DNAH8: variants seen among roughly 807,000 people sequenced by gnomAD.
The protein encoded by DNAH8 is axonemal beta dynein heavy chain 8.
A neutral mutation model predicts 562.1 loss-of-function variants in DNAH8; 382 were observed. That is an observed-to-expected ratio of 0.68 (90% CI 0.63 to 0.74). DNAH8 has a LOEUF of 0.74. Among genes scored for constraint, DNAH8 ranks in the 30% least tolerant of loss-of-function variants. DNAH8 has a pLI of 0.00. For missense variants in DNAH8, 5,203 were observed against 5,620.4 expected (o/e 0.93, Z 2.37); for synonymous variants, 1,881 against 1,919.4 (o/e 0.98, Z 0.52).
intron 41 of DNAH8, among the ~76,000 whole-genome samples, chr6:38,853,780 C>T (rs1309258404): frequency 6.6e-6 from 1 of 152,046 alleles, no homozygotes; most frequent in Non-Finnish European, 1.5e-5. Context: ...CTTAAAGATG[C>T]TCAGAACACT....
Position 38,982,478 on chromosome 6 carries a change from C to A in DNAH8, c.12951+16C>A, listed in dbSNP as rs755396684. The A allele has an allele frequency of 3.3e-6, 4 of 1,223,076 alleles. No individual in the cohort carries two copies. The Admixed American group carries it at 5.1e-5, about 16-fold the overall frequency. The allele number at this position is 1,223,076 out of a possible 1,614,324, so 75.8% of individuals were successfully genotyped here. A position where few individuals can be genotyped will look rare whatever the true frequency, so the allele number is the denominator to read the frequency against. On this transcript the variant is annotated intron_variant, in intron 86 of 92. Transcript: ENST00000327475. Reference sequence around the variant, plus strand: ...TATTAAGAAAGTGAGTGAAATTATGCCTTTTTTCCTGTTTTTATTGCTCTT... The same window carrying A: ...TATTAAGAAAGTGAGTGAAATTATGACTTTTTTCCTGTTTTTATTGCTCTT...
intron 76 of DNAH8, among the ~76,000 whole-genome samples, chr6:38,935,120 A>G (rs1375592635): frequency 6.6e-6 from 1 of 152,212 alleles, no homozygotes; most frequent in Non-Finnish European, 1.5e-5. Flanking sequence ...CAAACCAGGT[A>G]CCTGGTGCTC....
chr6:38,882,957 A>G lies in DNAH8; in HGVS notation c.7906A>G (p.Thr2636Ala), dbSNP rs752099198. 14 of 1,605,738 alleles carry G rather than the reference A, an allele frequency of 8.7e-6. No homozygotes were observed. In the Admixed American group the frequency reaches 2.4e-4, roughly 28 times the overall value. The change falls in exon 54 of 93, where the codon ACT becomes GCT. Residue 2636 changes from threonine (T) to alanine (A), a missense_variant. Physicochemically the swap from Thr to Ala is moderately conservative, Grantham distance 58. Transcript: ENST00000327475. ...GAAACTTCAGCCTTATTATTATCCA[A>G]CTGACAGTATTCCGGAATATTCATC... ...NKKLQPYYYPTDSIPEYSSIL... is the reference protein window; with the variant it reads ...NKKLQPYYYPADSIPEYSSIL...
In DNAH8 at chr6:38,898,470, T is replaced by C. The variant is rs1033994119; in HGVS notation, c.9063+90T>C. The C allele has an allele frequency of 5.5e-6, 6 of 1,099,738 alleles. No individual in the cohort carries two copies. The African/African-American group carries it at 8.2e-5, about 15-fold the overall frequency. 68.1% of individuals were successfully genotyped at this position (1,099,738 alleles called of 1,614,324 possible). A position where few individuals can be genotyped will look rare whatever the true frequency, so the allele number is the denominator to read the frequency against. On this transcript the variant is annotated intron_variant, in intron 61 of 92. Coordinates refer to ENST00000327475, the MANE Select transcript of DNAH8 (RefSeq NM_001206927.2). ...TAAATTTTTTGAGAGAATAACTATA[T>C]ACTATCAGGTACCGTATAGAAGACT...
At chr6:38,962,021 C>T (rs1228654866) in intron 82 of DNAH8, among the ~76,000 whole-genome samples, 1 of 151,802 alleles carries the variant, frequency 6.6e-6, no homozygotes, top group Non-Finnish European at 1.5e-5. Flanking sequence ...AAAAATGATG[C>T]TTTCTTGTAA....
At chr6:38,755,882 G>A (rs1222041413) in intron 9 of DNAH8, 90 bp from the exon 10 acceptor site, 1 of 774,848 alleles carries the variant, frequency 1.3e-6, no homozygotes, top group Non-Finnish European at 2.2e-6. Context: ...ATACTATTTT[G>A]TGTACCTTTA....
rs555992567 is a variant in DNAH8 at position 38,969,898 on chromosome 6, G to A, written c.12452-1694G>A. ...GGCTTGAGAGACCCCTCTGGCTGCT[G>A]TAGGAAGAATAGCTAGTAGAGGACA... On this transcript the variant is annotated intron_variant, in intron 82 of 92. Coordinates refer to ENST00000327475, the MANE Select transcript of DNAH8 (RefSeq NM_001206927.2). Among the ~76,000 whole-genome samples, 22 of 152,216 alleles carry A rather than the reference G, an allele frequency of 1.4e-4. 1 individual carries two copies. The South Asian group carries it at 4.6e-3, about 32-fold the overall frequency.
At position 38,823,546 on chromosome 6, in the gene DNAH8, T is replaced by C; in HGVS notation, c.3721-16T>C. 5 of 1,579,228 alleles carry C rather than the reference T, an allele frequency of 3.2e-6. No individual in the cohort carries two copies. Among genetic ancestry groups the C allele is most frequent in the Non-Finnish European group, 4.3e-6 (5 of 1,153,606 alleles). ...ACTGTTAAAAAATTAAAATATTGAC[T>C]ATTTTCTTACCACAGGAATTTTTGG... On this transcript the variant is annotated splice_polypyrimidine_tract_variant and intron_variant, in intron 27 of 92. Transcript: ENST00000327475.
chr6:38,820,869 TAAAA>T (rs1417140841), intron 26 of DNAH8, among the ~76,000 whole-genome samples: 18 of 152,174 alleles, frequency 1.2e-4, no homozygotes, highest in African/African-American at 4.1e-4. Flanking sequence ...TTCAACCTTA[TAAAA>T]GGCATCATAC....
chr6:38,993,905 C>T (rs1460022090), intron 88 of DNAH8, among the ~76,000 whole-genome samples: 1 of 152,080 alleles, frequency 6.6e-6, no homozygotes, highest in Non-Finnish European at 1.5e-5. Context: ...CTTGTGGACT[C>T]TCATATTATT....
chr6:38,828,509 A>G (rs894167511), intron 30 of DNAH8, among the ~76,000 whole-genome samples: 2 of 152,210 alleles, frequency 1.3e-5, no homozygotes, highest in Non-Finnish European at 2.9e-5. Context: ...ACCATTGTCT[A>G]GAATTGCCTT....
In DNAH8 at chr6:38,860,648, G is replaced by A. The variant is rs527849962; in HGVS notation, c.6131+19G>A. ...CAGATAGGTAGGAAACCCAGTTTTC[G>A]TTTTTTATTTTGTAATTTTAAAATG... is the stretch of plus-strand genomic sequence containing the variant. On this transcript the variant is annotated intron_variant, in intron 43 of 92. Coordinates refer to ENST00000327475, the MANE Select transcript of DNAH8 (RefSeq NM_001206927.2). The A allele has an allele frequency of 1.2e-3, 1,800 of 1,477,014 alleles. 11 individuals are homozygous for A. Among genetic ancestry groups the A allele is most frequent in the Non-Finnish European group, 7.2e-4 (804 of 1,113,022 alleles). The allele number at this position is 1,477,014 out of a possible 1,614,324, so 91.5% of individuals were successfully genotyped here. A position where few individuals can be genotyped will look rare whatever the true frequency, so the allele number is the denominator to read the frequency against.
At chr6:38,809,423 GAGGT>G (rs1771594648) in intron 24 of DNAH8, among the ~76,000 whole-genome samples, 1 of 152,140 alleles carries the variant, frequency 6.6e-6, no homozygotes, top group African/African-American at 2.4e-5. Flanking sequence ...TGCTTAGTGT[GAGGT>G]AGCAAATTAA....
intron 61 of DNAH8, among the ~76,000 whole-genome samples, chr6:38,899,531 A>C (rs1779925930): frequency 2.6e-5 from 4 of 152,264 alleles, no homozygotes; most frequent in Admixed American, 1.3e-4. Flanking sequence ...ATAGTTTTAA[A>C]ATAGAAGGGA....
At chr6:38,915,163 G>A (rs1781209834) in intron 67 of DNAH8, 38 bp from the exon 68 acceptor site, 1 of 1,505,652 alleles carries the variant, frequency 6.6e-7, no homozygotes, top group South Asian at 1.3e-5. Flanking sequence ...TGCTTGAAAG[G>A]TTTCTATTGG....
intron 85 of DNAH8, among the ~76,000 whole-genome samples, chr6:38,976,598 C>T (rs1005830557): frequency 1.3e-5 from 2 of 152,160 alleles, no homozygotes; most frequent in Admixed American, 6.5e-5. Flanking sequence ...TGTCAGATCT[C>T]GCCTCAGACT....
intron 10 of DNAH8, among the ~76,000 whole-genome samples, chr6:38,757,199 T>A (rs1481170870): frequency 6.6e-6 from 1 of 151,314 alleles, no homozygotes; most frequent in African/African-American, 2.4e-5. Context: ...CCTGACTTTT[T>A]AATGATCGCC....
chr6:38,840,122 A>G (rs983468818), intron 33 of DNAH8, among the ~76,000 whole-genome samples: 10 of 152,238 alleles, frequency 6.6e-5, no homozygotes, highest in Admixed American at 5.2e-4. Context: ...CCTGGAGCAT[A>G]TCCATGCTGT....
At chr6:38,985,845 C>T (rs574073537) in intron 87 of DNAH8, among the ~76,000 whole-genome samples, 2 of 152,222 alleles carry the variant, frequency 1.3e-5, no homozygotes, top group Admixed American at 1.3e-4. Flanking sequence ...CAGCTGCCTC[C>T]TGCTAGGGCA....
Sources: gnomAD v4.1 joint callset for allele counts (sites outside exome capture counted in the v4.1 genomes callset) on GRCh38, gnomAD v4.1.1 for gene constraint, MANE v1.5 for transcripts, NCBI Gene and HGNC (gene_info 2026-07-23, HGNC 2026-07-21) for gene names.